Variants in CNOT6L observed in about 807,000 individuals in gnomAD.
CNOT6L encodes the protein CCR4-NOT transcription complex subunit 6-like.
A neutral mutation model predicts 64.0 loss-of-function variants in CNOT6L; 7 were observed. The observed-to-expected ratio is 0.11, with a 90% CI of 0.06 to 0.21. The LOEUF (loss-of-function observed/expected upper bound fraction) is 0.21, where lower values mean the gene tolerates loss of function less well. Among genes scored for constraint, CNOT6L ranks in the 10% least tolerant of loss-of-function variants. CNOT6L has a pLI of 1.00. For synonymous variants in CNOT6L, 193 were observed against 243.4 expected, an observed-to-expected ratio of 0.79 and a Z score of 1.93; for missense variants, 245 against 669.0, an observed-to-expected ratio of 0.37 and a Z score of 6.99.
chr4:77,762,719 C>G (rs555907246), intron 4 of CNOT6L, among the ~76,000 whole-genome samples: 29 of 152,192 alleles, frequency 1.9e-4, no homozygotes, highest in African/African-American at 7.0e-4. Context: ...ACCAAAGAAT[C>G]CAGACTCAAA....
intron 1 of CNOT6L, among the ~76,000 whole-genome samples, chr4:77,793,486 A>G (rs914889795): frequency 2.6e-5 from 4 of 152,156 alleles, no homozygotes; most frequent in Non-Finnish European, 4.4e-5. Context: ...CTCTGGTCAC[A>G]TGGTTAGTGG....
chr4:77,762,098 G>A (rs1726306961), intron 4 of CNOT6L, among the ~76,000 whole-genome samples: 1 of 152,114 alleles, frequency 6.6e-6, no homozygotes, highest in Non-Finnish European at 1.5e-5. Flanking sequence ...TAAATGAAGA[G>A]CTATACTGGA....
chr4:77,752,530 C>CGTT, intron 5 of CNOT6L, among the ~76,000 whole-genome samples: 1 of 152,190 alleles, frequency 6.6e-6, no homozygotes, highest in South Asian at 2.1e-4. Flanking sequence ...GATATGTTCT[C>CGTT]TAACCACCAT....
chr4:77,766,712 T>C (rs1316273477), intron 4 of CNOT6L, among the ~76,000 whole-genome samples: 1 of 138,506 alleles, frequency 7.2e-6, no homozygotes, highest in Non-Finnish European at 1.6e-5. Context: ...CTATATCCAA[T>C]AGCAAATAGG....
chr4:77,748,185 A>G (rs536831750), intron 6 of CNOT6L, 131 bp downstream of exon 6: 8 of 696,544 alleles, frequency 1.1e-5, no homozygotes, highest in Non-Finnish European at 1.8e-5. Context: ...TTAAAAGTCT[A>G]TCCATCAGTA....
chr4:77,788,663 C>T (rs533006360), intron 1 of CNOT6L, among the ~76,000 whole-genome samples: 2 of 151,976 alleles, frequency 1.3e-5, no homozygotes, highest in South Asian at 2.1e-4. Context: ...GGGAGGCAGA[C>T]GCTGCAGTGA....
At position 77,744,702 on chromosome 4, in the gene CNOT6L, A is replaced by G; in HGVS notation, c.717+16T>C. On this transcript the variant is annotated intron_variant, in intron 7 of 11. Transcript: ENST00000504123. ...CACCTTTTAAGTTAAAGACAGTTTA[A>G]TTTCTATGGTGTTACCTGAAGACTA... The G allele has an allele frequency of 6.3e-7, 1 of 1,593,424 alleles. No individual in the cohort carries two copies.
At chr4:77,819,411 T>TC, upstream of CNOT6L, 1 of 1,597,094 alleles carries the variant, frequency 6.3e-7, no homozygotes, top group South Asian at 1.1e-5. Context: ...CACAGATGCT[T>TC]CCCCTCCAGA....
intron 4 of CNOT6L, among the ~76,000 whole-genome samples, chr4:77,762,049 A>T (rs1726301256): frequency 6.6e-6 from 1 of 152,194 alleles, no homozygotes; most frequent in Non-Finnish European, 1.5e-5. Context: ...CCTGAAAACT[A>T]CAAAACTTTA....
intron 11 of CNOT6L, among the ~76,000 whole-genome samples, chr4:77,721,738 G>A (rs1721300306): frequency 6.6e-6 from 1 of 151,966 alleles, no homozygotes. Flanking sequence ...TGGGAAGTGG[G>A]GGCAAGAGGA....
chr4:77,789,409 G>GT (rs1049231374), intron 1 of CNOT6L, among the ~76,000 whole-genome samples: 3 of 151,986 alleles, frequency 2.0e-5, no homozygotes, highest in African/African-American at 7.2e-5. Flanking sequence ...GGAAAAAAAA[G>GT]TCAGTCTTTT....
chr4:77,769,476 G>A (rs1159504814), intron 4 of CNOT6L, among the ~76,000 whole-genome samples: 1 of 151,982 alleles, frequency 6.6e-6, no homozygotes, highest in Non-Finnish European at 1.5e-5. Context: ...AGGCTGATCA[G>A]GTCCAATTTT....
At chr4:77,788,047 ACTT>A (rs1729650774) in intron 1 of CNOT6L, among the ~76,000 whole-genome samples, 1 of 152,172 alleles carries the variant, frequency 6.6e-6, no homozygotes, top group African/African-American at 2.4e-5. Context: ...CTTTGACCAA[ACTT>A]CTTTTTTGTT....
intron 4 of CNOT6L, among the ~76,000 whole-genome samples, chr4:77,761,994 A>G (rs569161594): frequency 6.6e-6 from 1 of 152,172 alleles, no homozygotes; most frequent in Non-Finnish European, 1.5e-5. Flanking sequence ...ATAAAAAATC[A>G]AGTAAGTAGA....
intron 1 of CNOT6L, among the ~76,000 whole-genome samples, chr4:77,818,336 T>C (rs1283773903): frequency 6.6e-6 from 1 of 151,946 alleles, no homozygotes; most frequent in Admixed American, 6.6e-5. Context: ...CCTCTCCCCC[T>C]AGGAGGCAGG....
At chr4:77,807,362 T>G (rs546283595) in intron 1 of CNOT6L, among the ~76,000 whole-genome samples, 1 of 147,522 alleles carries the variant, frequency 6.8e-6, no homozygotes, top group Admixed American at 6.7e-5. Context: ...CCGGGCAACA[T>G]AGCAAAATCT....
intron 11 of CNOT6L, among the ~76,000 whole-genome samples, chr4:77,725,151 G>C (rs913577753): frequency 6.6e-6 from 1 of 152,054 alleles, no homozygotes; most frequent in African/African-American, 2.4e-5. Flanking sequence ...CAATTTCTAA[G>C]CAATTTTTTT....
chr4:77,753,397 G>A (rs1020724979), intron 5 of CNOT6L, among the ~76,000 whole-genome samples: 2 of 152,102 alleles, frequency 1.3e-5, no homozygotes, highest in Non-Finnish European at 1.5e-5. Context: ...TAGGCTGGGC[G>A]CACTGGCTCA....
chr4:77,742,418 C>A, intron 7 of CNOT6L, 123 bp from the exon 8 acceptor site: 1 of 915,192 alleles, frequency 1.1e-6, no homozygotes. Context: ...CAAATATTAT[C>A]TTACTATCTT....
Sources: gnomAD v4.1 joint callset for allele counts (sites outside exome capture counted in the v4.1 genomes callset) on GRCh38, gnomAD v4.1.1 for gene constraint, MANE v1.5 for transcripts, NCBI Gene and HGNC (gene_info 2026-07-23, HGNC 2026-07-21) for gene names.